The following AFF3 variants were observed in gnomAD, a reference collection of about 807,000 sequenced individuals.
AFF3 encodes the protein ALF transcription elongation factor 3.
AFF3 carries 32 observed loss-of-function variants against 129.7 expected under a neutral mutation model. The observed-to-expected ratio is 0.25, with a 90% CI of 0.19 to 0.33. AFF3 has a LOEUF of 0.33. Ranked by LOEUF, AFF3 falls within the 10% of genes least tolerant of loss-of-function variation. AFF3 has a pLI of 1.00. For synonymous variants in AFF3, 644 were observed against 635.4 expected, an observed-to-expected ratio of 1.01 and a Z score of -0.20; for missense variants, 1,373 against 1,592.0, an observed-to-expected ratio of 0.86 and a Z score of 2.34.
At position 99,950,140 on chromosome 2, in the gene AFF3, T is replaced by C. The variant is rs538038706; in HGVS notation, c.873+56492A>G. Among the ~76,000 whole-genome samples, 180 of 152,326 alleles carry C rather than the reference T, an allele frequency of 1.2e-3. 8 individuals carry two copies. In the South Asian group the frequency reaches 0.037, roughly 31 times the overall value. On this transcript the variant is annotated intron_variant, in intron 7 of 24. Coordinates refer to ENST00000672756, the MANE Select transcript of AFF3 (RefSeq NM_001386135.1). ...CAACACACTACTAACAAAGTGACTT[T>C]AGCTAAATCTTACGTACATGTGCCA... is the stretch of plus-strand genomic sequence containing the variant.
At chr2:99,668,482 T>G (rs1355437425) in intron 12 of AFF3, among the ~76,000 whole-genome samples, 1 of 151,590 alleles carries the variant, frequency 6.6e-6, no homozygotes, top group African/African-American at 2.4e-5. Flanking sequence ...GAAATAGAAT[T>G]TTTAAGTTTA....
At chr2:99,652,095 T>C (rs1685311021) in intron 12 of AFF3, among the ~76,000 whole-genome samples, 1 of 152,160 alleles carries the variant, frequency 6.6e-6, no homozygotes, top group Non-Finnish European at 1.5e-5. Flanking sequence ...CCGGTGTCAG[T>C]ACATATCTGC....
At chr2:100,066,552 A>G (rs1234636073) in intron 4 of AFF3, among the ~76,000 whole-genome samples, 1 of 152,192 alleles carries the variant, frequency 6.6e-6, no homozygotes, top group Non-Finnish European at 1.5e-5. Flanking sequence ...TTGGCACATT[A>G]TAGACATACA....
At chr2:99,609,654 T>C (rs1680724079) in intron 13 of AFF3, among the ~76,000 whole-genome samples, 1 of 152,210 alleles carries the variant, frequency 6.6e-6, no homozygotes, top group South Asian at 2.1e-4. Context: ...TCCACTTATT[T>C]AAAAAATTCT....
At chr2:99,994,585 A>G (rs1307732698) in intron 7 of AFF3, among the ~76,000 whole-genome samples, 3 of 152,210 alleles carry the variant, frequency 2.0e-5, no homozygotes, top group East Asian at 1.9e-4. Flanking sequence ...ACCAATTTCC[A>G]AAGATTATTA....
intron 7 of AFF3, among the ~76,000 whole-genome samples, chr2:100,003,048 A>G (rs1174294332): frequency 7.0e-6 from 1 of 143,016 alleles, no homozygotes; most frequent in African/African-American, 2.6e-5. Flanking sequence ...AAAGACAGAT[A>G]CACTATGAAG....
intron 20 of AFF3, among the ~76,000 whole-genome samples, chr2:99,564,326 T>C (rs1215281713): frequency 6.6e-6 from 1 of 152,116 alleles, no homozygotes; most frequent in African/African-American, 2.4e-5. Flanking sequence ...CATCTCAGGC[T>C]GGGCCTTGTT....
chr2:99,551,153 GGTGTGTGTGT>G lies in AFF3; in HGVS notation c.*311_*320del, dbSNP rs71252505. 9.3e-5 allele frequency: 41 copies of G among 439,228 alleles called. No individual in the cohort carries two copies. The highest frequency in any genetic ancestry group is 5.8e-4 in the Middle Eastern group (1 of 1,730). The allele number at this position is 439,228 out of a possible 1,614,324, so 27.2% of individuals were successfully genotyped here. On this transcript the variant is annotated 3_prime_UTR_variant, in exon 25 of 25. Transcript: ENST00000672756. The stretch of plus-strand genomic sequence containing the variant: ...TGTCTGTGATTGTGTGTGAGTGTAC[GGTGTGTGTGT>G]GTGTGTGTGTGTGTGTGTGTACTTC...
intron 4 of AFF3, among the ~76,000 whole-genome samples, chr2:100,029,163 C>T (rs892769905): frequency 1.3e-5 from 2 of 152,140 alleles, no homozygotes; most frequent in Non-Finnish European, 2.9e-5. Flanking sequence ...TGTTGAAGCC[C>T]TAACCTCCAG....
intron 7 of AFF3, chr2:100,006,401 A>T: frequency 2.0e-6 from 1 of 497,184 alleles, no homozygotes; most frequent in Non-Finnish European, 3.4e-6. Context: ...ACTAATACAT[A>T]CACACACAAC....
chr2:99,750,418 CTTT>C (rs59169692), intron 9 of AFF3, among the ~76,000 whole-genome samples: 2 of 129,096 alleles, frequency 1.5e-5, no homozygotes, highest in African/African-American at 2.8e-5. Context: ...TTTTTCTTTT[CTTT>C]TTTTTTTTTT....
chr2:99,864,818 G>A (rs112512706), intron 7 of AFF3, among the ~76,000 whole-genome samples: 2 of 152,292 alleles, frequency 1.3e-5, no homozygotes, highest in African/African-American at 4.8e-5. Context: ...AAATAGTAAG[G>A]GCTAGGTAAT....
intron 12 of AFF3, among the ~76,000 whole-genome samples, chr2:99,654,629 C>T (rs376410696): frequency 9.8e-5 from 15 of 152,320 alleles, no homozygotes; most frequent in East Asian, 3.9e-4. Flanking sequence ...CTCTTCCTTG[C>T]GACTTGCCTT....
At chr2:99,585,971 C>T (rs1412492401) in intron 16 of AFF3, among the ~76,000 whole-genome samples, 3 of 152,086 alleles carry the variant, frequency 2.0e-5, no homozygotes, top group African/African-American at 7.2e-5. Flanking sequence ...CCTTGTGATC[C>T]GCCCGCCTCA....
chr2:100,004,071 A>G (rs1681713200), intron 7 of AFF3, among the ~76,000 whole-genome samples: 1 of 151,990 alleles, frequency 6.6e-6, no homozygotes, highest in South Asian at 2.1e-4. Flanking sequence ...CCAAACAGCT[A>G]TTTTTGTATG....
chr2:99,822,072 C>G (rs1268360243), intron 8 of AFF3, among the ~76,000 whole-genome samples: 2 of 152,124 alleles, frequency 1.3e-5, no homozygotes, highest in African/African-American at 4.8e-5. Flanking sequence ...GGAATGTGAG[C>G]TGGGCTCTGG....
At chr2:99,627,733 C>T (rs1408027830) in intron 13 of AFF3, among the ~76,000 whole-genome samples, 1 of 152,070 alleles carries the variant, frequency 6.6e-6, no homozygotes, top group Admixed American at 6.5e-5. Context: ...TAATCTATCT[C>T]GAGTTGATTT....
chr2:100,142,103 G>A (rs550969752), intron 1 of AFF3, among the ~76,000 whole-genome samples: 1 of 152,156 alleles, frequency 6.6e-6, no homozygotes, highest in African/African-American at 2.4e-5. Context: ...TAGCTAATGA[G>A]CAACATGAGG....
intron 4 of AFF3, among the ~76,000 whole-genome samples, chr2:100,012,570 C>A (rs1200853346): frequency 6.6e-6 from 1 of 152,184 alleles, no homozygotes; most frequent in Non-Finnish European, 1.5e-5. Flanking sequence ...ACAGTGAGCC[C>A]CCATCCCACT....
Sources: gnomAD v4.1 joint callset for allele counts (sites outside exome capture counted in the v4.1 genomes callset) on GRCh38, gnomAD v4.1.1 for gene constraint, MANE v1.5 for transcripts, NCBI Gene and HGNC (gene_info 2026-07-23, HGNC 2026-07-21) for gene names.